NEMP2: variants seen among roughly 807,000 people sequenced by gnomAD.
The protein encoded by NEMP2 is nuclear envelope integral membrane protein 2, also known as UPF0571 transmembrane protein.
Under a neutral mutation model 54.2 loss-of-function variants are expected in NEMP2, and 53 were observed. The ratio of observed to expected loss-of-function variants is 0.98; its 90% CI spans 0.78 to 1.23. NEMP2 has a LOEUF of 1.23. Ranked by LOEUF, NEMP2 falls within the 50% of genes most tolerant of loss-of-function variation. The pLI is 0.00. For synonymous variants in NEMP2, 197 were observed against 190.3 expected (o/e 1.04, Z -0.29); for missense variants, 455 against 511.3 (o/e 0.89, Z 1.06).
At chr2:190,572,287 T>C in the NEMP2 span, among the ~76,000 whole-genome samples, 2 of 152,226 alleles carry the variant, frequency 1.3e-5, no homozygotes, top group Non-Finnish European at 2.9e-5. Context: ...TTCCATTAAC[T>C]TGTGACTTTC....
the NEMP2 span, among the ~76,000 whole-genome samples, chr2:190,566,954 C>CA: frequency 6.6e-6 from 1 of 151,046 alleles, no homozygotes; most frequent in Admixed American, 6.6e-5. Context: ...TATAAGTCGG[C>CA]AAAAAAATAC....
At chr2:190,534,374 C>T in intron 1 of NEMP2, 185 bp downstream of exon 1, 1 of 1,207,570 alleles carries the variant, frequency 8.3e-7, no homozygotes, top group Non-Finnish European at 1.0e-6. Context: ...CGAGAGACTA[C>T]GGAAGCCCAG....
the NEMP2 span, among the ~76,000 whole-genome samples, chr2:190,621,677 T>C: frequency 6.6e-6 from 1 of 152,136 alleles, no homozygotes; most frequent in Non-Finnish European, 1.5e-5. Context: ...GACAGTGCAG[T>C]AGTGGCATAA....
the NEMP2 span, among the ~76,000 whole-genome samples, chr2:190,474,436 A>G: frequency 6.6e-6 from 1 of 152,338 alleles, no homozygotes; most frequent in East Asian, 1.9e-4. Flanking sequence ...TACTATAAAC[A>G]CCTCTATGCA....
the NEMP2 span, among the ~76,000 whole-genome samples, chr2:190,464,112 C>T: frequency 6.6e-6 from 1 of 152,188 alleles, no homozygotes; most frequent in Non-Finnish European, 1.5e-5. Flanking sequence ...ATCTCCCACC[C>T]TGGCCTCGAG....
the NEMP2 span, among the ~76,000 whole-genome samples, chr2:190,599,973 C>T: frequency 6.6e-6 from 1 of 152,180 alleles, no homozygotes; most frequent in Admixed American, 6.5e-5. Context: ...GGGAGCACAG[C>T]GGCTTTCACA....
downstream of NEMP2, chr2:190,501,778 A>C (rs191159246): frequency 3.8e-4 from 58 of 152,802 alleles, 1 homozygote; most frequent in African/African-American, 1.2e-3. Context: ...AGAATTCAGC[A>C]AATAGTTATT....
At chr2:190,644,982 A>T in the NEMP2 span, among the ~76,000 whole-genome samples, 1 of 152,222 alleles carries the variant, frequency 6.6e-6, no homozygotes, top group South Asian at 2.1e-4. The surrounding 1 kb of genome is among the most constrained non-coding windows in gnomAD (Gnocchi z 4.4). Context: ...TTGGCTGTAT[A>T]CTGTGACACA....
At chr2:190,544,637 T>C in the NEMP2 span, among the ~76,000 whole-genome samples, 1 of 152,128 alleles carries the variant, frequency 6.6e-6, no homozygotes, top group African/African-American at 2.4e-5. Context: ...TCAAAAGTGA[T>C]TGGTGATTAC....
chr2:190,618,159 T>A, the NEMP2 span, among the ~76,000 whole-genome samples: 8 of 152,242 alleles, frequency 5.3e-5, no homozygotes, highest in Non-Finnish European at 7.3e-5. Context: ...ATCAGTGTGG[T>A]AACTCATCAA....
chr2:190,580,804 A>C, the NEMP2 span, among the ~76,000 whole-genome samples: 3 of 152,336 alleles, frequency 2.0e-5, 1 homozygote, highest in East Asian at 5.8e-4. This position sits in a 1 kb window ranked among gnomAD's most constrained non-coding sequence, Gnocchi z 5.3. Flanking sequence ...AGTGTTGGGA[A>C]GGATTGTAAG....
the NEMP2 span, among the ~76,000 whole-genome samples, chr2:190,486,208 T>C: frequency 6.6e-6 from 1 of 152,364 alleles, no homozygotes; most frequent in East Asian, 1.9e-4. Context: ...ATCCTAGGAA[T>C]CATGAGTTGT....
chr2:190,640,029 T>G, the NEMP2 span, among the ~76,000 whole-genome samples: 1 of 152,228 alleles, frequency 6.6e-6, no homozygotes, highest in African/African-American at 2.4e-5. Context: ...TAATTACTGC[T>G]AACATTTAGT....
the NEMP2 span, among the ~76,000 whole-genome samples, chr2:190,630,269 G>A: frequency 6.6e-6 from 1 of 152,110 alleles, no homozygotes; most frequent in South Asian, 2.1e-4. The surrounding 1 kb of genome is among the most constrained non-coding windows in gnomAD (Gnocchi z 5.5). Context: ...GTCTCGCTCT[G>A]TTGCCCAGAG....
At position 190,509,203 on chromosome 2, in the gene NEMP2, G is replaced by A. The variant is rs765937658; in HGVS notation, c.1240C>T (p.Pro414Ser). Reference sequence around the variant, plus strand: ...AAGGTCGCATGTCAGGCAGTACTCGGGTTAAAGAGCTGCTCTTCCAAGAAG... The same window carrying A: ...AAGGTCGCATGTCAGGCAGTACTCGAGTTAAAGAGCTGCTCTTCCAAGAAG... ...GAFLEEQLFNPSTA is the reference protein window; with the variant it reads ...GAFLEEQLFNSSTA The change falls in exon 9 of 9, where the codon CCG (proline) becomes TCG (serine). Residue 414 changes from proline (P) to serine (S), a missense_variant. Pro to Ser is a moderately conservative substitution (Grantham distance 74). Transcript: ENST00000409150. This position sits in a 1 kb window ranked among gnomAD's most constrained non-coding sequence, Gnocchi z 6.1. 1 of 1,551,588 alleles carries A rather than the reference G, an allele frequency of 6.4e-7. No homozygotes were observed. Among genetic ancestry groups the A allele is most frequent in the South Asian group, 1.2e-5 (1 of 84,052 alleles).
At chr2:190,627,603 A>AC in the NEMP2 span, among the ~76,000 whole-genome samples, 44 of 152,042 alleles carry the variant, frequency 2.9e-4, no homozygotes, top group African/African-American at 9.9e-4. This position sits in a 1 kb window ranked among gnomAD's most constrained non-coding sequence, Gnocchi z 4.4. Context: ...GAAAAAAAAA[A>AC]AAAACCTTAA....
intron 7 of NEMP2, among the ~76,000 whole-genome samples, chr2:190,511,946 G>C (rs1177899888): frequency 6.7e-6 from 1 of 149,940 alleles, no homozygotes. Flanking sequence ...ATGAGCATCA[G>C]AATTATTAGG....
chr2:190,460,854 G>A, the NEMP2 span, among the ~76,000 whole-genome samples: 1 of 152,152 alleles, frequency 6.6e-6, no homozygotes, highest in Non-Finnish European at 1.5e-5. Context: ...AAGGTGACAA[G>A]GAAAGATGTT....
At chr2:190,516,431 C>T in intron 5 of NEMP2, 47 bp from the exon 6 acceptor site, 1 of 1,361,262 alleles carries the variant, frequency 7.3e-7, no homozygotes, top group Non-Finnish European at 1.0e-6. Flanking sequence ...TTCATTCACT[C>T]TCATAAAAAT....
Sources: gnomAD v4.1 joint callset for allele counts (sites outside exome capture counted in the v4.1 genomes callset) on GRCh38, gnomAD v4.1.1 for gene constraint, Gnocchi (gnomAD v3.1) non-coding constraint, MANE v1.5 for transcripts, NCBI Gene and HGNC (gene_info 2026-07-23, HGNC 2026-07-21) for gene names.